SDK2: variants seen among roughly 807,000 people sequenced by gnomAD.
The protein encoded by SDK2 is sidekick cell adhesion molecule 2.
In SDK2, 105 loss-of-function variants were observed where a neutral mutation model predicts 253.9. That is an observed-to-expected ratio of 0.41 (90% CI 0.35 to 0.49). The LOEUF is 0.49. Ranked by LOEUF, SDK2 falls within the 20% of genes least tolerant of loss-of-function variation. SDK2 has a pLI of 0.06. For synonymous variants in SDK2, 1,249 were observed against 1,234.9 expected (o/e 1.01, Z -0.24); for missense variants, 2,608 against 3,003.0 (o/e 0.87, Z 3.07).
chr17:73,435,304 A>G lies in SDK2; in HGVS notation c.1195+146T>C. On this transcript the variant is annotated intron_variant, in intron 9 of 44. Transcript: ENST00000392650. This position sits in a 1 kb window ranked among gnomAD's most constrained non-coding sequence, Gnocchi z 5.7. ...AGCAGCGGTAACTGGCTGTGCCCCC[A>G]GGCTGCTGGGCAGCAGGCGGCCTTT... The G allele has an allele frequency of 1.4e-6, 1 of 738,560 alleles. No individual in the cohort carries two copies. The allele number at this position is 738,560 out of a possible 1,614,324, so 45.8% of individuals were successfully genotyped here.
intron 1 of SDK2, among the ~76,000 whole-genome samples, chr17:73,544,543 CAGAT>C (rs779976264): frequency 6.6e-6 from 1 of 152,064 alleles, no homozygotes; most frequent in African/African-American, 2.4e-5. Context: ...GATGGATAAA[CAGAT>C]GGATGGATGA....
At chr17:73,411,173 T>C (rs73999043) in intron 18 of SDK2, among the ~76,000 whole-genome samples, 1 of 152,142 alleles carries the variant, frequency 6.6e-6, no homozygotes, top group Admixed American at 6.5e-5. Context: ...TTGGGTTCAC[T>C]GCCTTCCTGG....
chr17:73,561,691 G>C (rs943037501), intron 1 of SDK2, among the ~76,000 whole-genome samples: 2 of 152,248 alleles, frequency 1.3e-5, no homozygotes, highest in African/African-American at 4.8e-5. Context: ...GGGGAGCACT[G>C]TGCAGACTCC....
chr17:73,495,204 C>T (rs369948439), intron 2 of SDK2, among the ~76,000 whole-genome samples: 74 of 152,318 alleles, frequency 4.9e-4, no homozygotes, highest in African/African-American at 1.6e-3. Context: ...ACCCCATGTG[C>T]CAGGGCACCT....
chr17:73,490,194 A>G (rs977469363), intron 2 of SDK2, among the ~76,000 whole-genome samples: 6 of 152,096 alleles, frequency 3.9e-5, no homozygotes, highest in Non-Finnish European at 7.4e-5. Flanking sequence ...TGCAAGCTCC[A>G]CCTGTTTTTG....
At chr17:73,627,134 T>C (rs1360228109) in intron 1 of SDK2, among the ~76,000 whole-genome samples, 1 of 152,228 alleles carries the variant, frequency 6.6e-6, no homozygotes, top group Non-Finnish European at 1.5e-5. Flanking sequence ...ATGGGGGTTG[T>C]TGAAAGGATT....
At chr17:73,466,032 G>A (rs1018341897) in intron 3 of SDK2, among the ~76,000 whole-genome samples, 1 of 152,190 alleles carries the variant, frequency 6.6e-6, no homozygotes, top group African/African-American at 2.4e-5. Flanking sequence ...GTAGGGAGAG[G>A]GGACTGAAGT....
intron 2 of SDK2, among the ~76,000 whole-genome samples, chr17:73,507,211 G>A (rs1049429771): frequency 2.0e-5 from 3 of 152,214 alleles, no homozygotes; most frequent in Admixed American, 2.0e-4. Flanking sequence ...ATCCTGTCCA[G>A]GCAGCGCTGG....
intron 2 of SDK2, among the ~76,000 whole-genome samples, chr17:73,482,773 G>A (rs2084647080): frequency 6.6e-6 from 1 of 152,256 alleles, no homozygotes; most frequent in Non-Finnish European, 1.5e-5. Flanking sequence ...ATGAGGGCAG[G>A]ACAGGGCTGG....
At chr17:73,414,222 G>C (rs2881149) in intron 18 of SDK2, among the ~76,000 whole-genome samples, 149,948 of 152,048 alleles carry the variant, frequency 0.99, 73,967 homozygotes, top group East Asian at 1. Context: ...GCTAATTTTT[G>C]TATTTTTAGT....
intron 1 of SDK2, among the ~76,000 whole-genome samples, chr17:73,599,065 C>T (rs780298305): frequency 6.6e-6 from 1 of 152,176 alleles, no homozygotes; most frequent in Non-Finnish European, 1.5e-5. Context: ...AAAGAGTTAC[C>T]CCTTTTCTTG....
rs377050724 is a variant in SDK2 at position 73,545,333 on chromosome 17, G to T, written c.65-37736C>A. 9.2e-5 allele frequency among the ~76,000 whole-genome samples: 14 copies of T among 152,236 alleles called. 1 individual carries two copies. In the East Asian group the frequency reaches 2.5e-3, roughly 27 times the overall value. ...ACCCACCCCTACTGTATGTGGTTCGGGTCCCATGGCAGGAGGGGGACCCTG... is the reference window on the plus strand; with the variant it reads ...ACCCACCCCTACTGTATGTGGTTCGTGTCCCATGGCAGGAGGGGGACCCTG... On this transcript the variant is annotated intron_variant, in intron 1 of 44. Coordinates refer to ENST00000392650, the MANE Select transcript of SDK2 (RefSeq NM_001144952.2).
rs145043554 is a variant in SDK2 at position 73,477,475 on chromosome 17, T to C, written c.225-5257A>G. On this transcript the variant is annotated intron_variant, in intron 2 of 44. Coordinates refer to ENST00000392650, the MANE Select transcript of SDK2 (RefSeq NM_001144952.2). ...ACTTGACTTTCACTTCTGTTCTTTC[T>C]TAGATGTGTGGCCCAGGCAAGTTAT... Among the ~76,000 whole-genome samples the C allele has an allele frequency of 2.0e-3, 304 of 152,338 alleles. 3 individuals carry two copies. Among genetic ancestry groups the C allele is most frequent in the African/African-American group, 7.0e-3 (293 of 41,574 alleles).
intron 1 of SDK2, among the ~76,000 whole-genome samples, chr17:73,514,189 A>G (rs1433243095): frequency 6.6e-6 from 1 of 152,124 alleles, no homozygotes; most frequent in Non-Finnish European, 1.5e-5. Context: ...TAGGCATGTC[A>G]CGTGGCTCGG....
At chr17:73,533,517 C>T (rs924025692) in intron 1 of SDK2, among the ~76,000 whole-genome samples, 2 of 152,212 alleles carry the variant, frequency 1.3e-5, no homozygotes, top group Non-Finnish European at 2.9e-5. Context: ...AGGGGAAACG[C>T]CTAGCTCCAG....
At chr17:73,370,488 C>A (rs2062725242) in intron 36 of SDK2, among the ~76,000 whole-genome samples, 1 of 152,010 alleles carries the variant, frequency 6.6e-6, no homozygotes, top group African/African-American at 2.4e-5. Context: ...AGCGATCCAA[C>A]CACCTTGGCT....
At chr17:73,563,647 T>C (rs1009409060) in intron 1 of SDK2, among the ~76,000 whole-genome samples, 2 of 152,238 alleles carry the variant, frequency 1.3e-5, no homozygotes, top group African/African-American at 2.4e-5. Context: ...TTGATATTCA[T>C]TGAGCAACTT....
rs1568385651 is a variant in SDK2, at chr17:73,405,488, AT to A, written c.2485-3348del. 5.9e-4 allele frequency among the ~76,000 whole-genome samples: 57 copies of A among 96,036 alleles called. 7 individuals are homozygous for A. The highest frequency in any genetic ancestry group is 2.0e-3 in the South Asian group (5 of 2,458). The allele number at this position is 96,036 out of a possible 152,430, so 63.0% of individuals were successfully genotyped here. On this transcript the variant is annotated intron_variant, in intron 18 of 44. Transcript: ENST00000392650. ...AAACCATATATATATATATATATAT[AT>A]ATATATATATATATATATATATATA...
At chr17:73,417,143 C>G (rs1477326628) in intron 16 of SDK2, among the ~76,000 whole-genome samples, 1 of 151,382 alleles carries the variant, frequency 6.6e-6, no homozygotes, top group Non-Finnish European at 1.5e-5. Context: ...GTGGCTCGTA[C>G]CTATAATCCC....
Sources: gnomAD v4.1 joint callset for allele counts (sites outside exome capture counted in the v4.1 genomes callset) on GRCh38, gnomAD v4.1.1 for gene constraint, Gnocchi (gnomAD v3.1) non-coding constraint, MANE v1.5 for transcripts, NCBI Gene and HGNC (gene_info 2026-07-23, HGNC 2026-07-21) for gene names.